KIAA1217: variants seen among roughly 807,000 people sequenced by gnomAD.
KIAA1217 encodes KIAA1217.
A neutral mutation model predicts 163.9 loss-of-function variants in KIAA1217; 88 were observed. That is an observed-to-expected ratio of 0.54 (90% CI 0.45 to 0.64). The LOEUF (loss-of-function observed/expected upper bound fraction) is 0.64, where lower values mean the gene tolerates loss of function less well. Among genes scored for constraint, KIAA1217 ranks in the 30% least tolerant of loss-of-function variants. KIAA1217 has a pLI of 0.00. For synonymous variants in KIAA1217, 903 were observed against 923.1 expected (o/e 0.98, Z 0.39); for missense variants, 2,372 against 2,475.0 (o/e 0.96, Z 0.88).
At chr10:23,989,605 G>A (rs1383922261) in intron 1 of KIAA1217, among the ~76,000 whole-genome samples, 1 of 152,144 alleles carries the variant, frequency 6.6e-6, no homozygotes, top group Non-Finnish European at 1.5e-5. Context: ...GTTTTCTTAA[G>A]TCCTTCGGAT....
intron 2 of KIAA1217, among the ~76,000 whole-genome samples, chr10:24,369,686 T>A (rs1464814001): frequency 1.3e-5 from 2 of 152,192 alleles, no homozygotes. Flanking sequence ...GGTTGTATTT[T>A]ACTTGAGACT....
At position 23,790,205 on chromosome 10, in the gene KIAA1217, A is replaced by ACACATATACACATATGCATATG. The variant is rs1564422021; in HGVS notation, c.-321+94979_-321+95000dup. 6.9e-3 allele frequency among the ~76,000 whole-genome samples: 52 copies of ACACATATACACATATGCATATG among 7,486 alleles called. 20 individuals carry two copies. The highest frequency in any genetic ancestry group is 0.016 in the Non-Finnish European group (43 of 2,644). The allele number at this position is 7,486 out of a possible 152,430, so 4.9% of individuals were successfully genotyped here. ...TATACACATATACACATATGCATATACACATATACACATATGCATATGCAC... is the reference window on the plus strand; with the variant it reads ...TATACACATATACACATATGCATATACACATATACACATATGCATATGCACATATACACATATGCATATGCAC... On this transcript the variant is annotated intron_variant, in intron 1 of 18. Coordinates refer to the KIAA1217 transcript ENST00000376462.
At chr10:24,457,858 G>A (rs762530776) in intron 5 of KIAA1217, among the ~76,000 whole-genome samples, 7 of 152,154 alleles carry the variant, frequency 4.6e-5, no homozygotes, top group East Asian at 1.9e-4. Flanking sequence ...TAGGCATTTC[G>A]TCATATGGAG....
At chr10:24,351,304 T>C (rs2048431243) in intron 2 of KIAA1217, among the ~76,000 whole-genome samples, 1 of 152,198 alleles carries the variant, frequency 6.6e-6, no homozygotes, top group South Asian at 2.1e-4. Flanking sequence ...AAAATTTCTA[T>C]CTGGTTTTCT....
intron 1 of KIAA1217, among the ~76,000 whole-genome samples, chr10:23,900,309 T>G (rs1344515640): frequency 6.6e-6 from 1 of 151,974 alleles, no homozygotes; most frequent in East Asian, 1.9e-4. Context: ...CCCAGCCCCT[T>G]CCTTTCTTTC....
At chr10:23,987,578 T>C (rs1477802385) in intron 1 of KIAA1217, among the ~76,000 whole-genome samples, 2 of 151,132 alleles carry the variant, frequency 1.3e-5, no homozygotes, top group African/African-American at 2.5e-5. Flanking sequence ...ATCAAATTAA[T>C]GTATTCATTA....
intron 2 of KIAA1217, among the ~76,000 whole-genome samples, chr10:24,198,148 T>C (rs944470954): frequency 6.6e-6 from 1 of 152,260 alleles, no homozygotes; most frequent in African/African-American, 2.4e-5. Context: ...TATGAGTCTG[T>C]GTTGTTTTAA....
At chr10:24,092,957 A>G (rs369066588) in intron 2 of KIAA1217, among the ~76,000 whole-genome samples, 2 of 136,906 alleles carry the variant, frequency 1.5e-5, no homozygotes, top group African/African-American at 7.0e-5. Context: ...TGTGTGTGAA[A>G]GAAAATCAGG....
chr10:24,339,453 AG>A (rs1170131572), intron 2 of KIAA1217, among the ~76,000 whole-genome samples: 64 of 152,346 alleles, frequency 4.2e-4, no homozygotes, highest in African/African-American at 1.5e-3. Context: ...TTAGTATCAA[AG>A]TAACATGTTT....
intron 10 of KIAA1217, among the ~76,000 whole-genome samples, chr10:24,518,004 A>C (rs527870095): frequency 6.6e-6 from 1 of 152,358 alleles, no homozygotes; most frequent in South Asian, 2.1e-4. Flanking sequence ...AAATAAAAAA[A>C]TAAAACTATG....
intron 1 of KIAA1217, among the ~76,000 whole-genome samples, chr10:23,997,903 C>T (rs527414394): frequency 3.0e-4 from 45 of 151,912 alleles, no homozygotes; most frequent in Admixed American, 8.5e-4. Flanking sequence ...ATGCCTATAC[C>T]TGGAGTGATT....
intron 1 of KIAA1217, among the ~76,000 whole-genome samples, chr10:23,988,252 T>C (rs1255222363): frequency 3.3e-5 from 5 of 152,228 alleles, no homozygotes; most frequent in Admixed American, 1.3e-4. Context: ...AGAAGCCAGA[T>C]TGTTGCTCCG....
chr10:24,155,231 C>T (rs2064821311), intron 2 of KIAA1217, among the ~76,000 whole-genome samples: 1 of 152,138 alleles, frequency 6.6e-6, no homozygotes. Flanking sequence ...TCCTAGTCTT[C>T]CTTTTTGCCC....
chr10:23,817,966 T>C (rs1162369100), intron 1 of KIAA1217, among the ~76,000 whole-genome samples: 4 of 11,870 alleles, frequency 3.4e-4, no homozygotes, highest in East Asian at 1.6e-3. Context: ...GTGGCACATA[T>C]ATATATATAT....
At chr10:23,740,530 T>G (rs111632486) in intron 1 of KIAA1217, among the ~76,000 whole-genome samples, 35 of 152,228 alleles carry the variant, frequency 2.3e-4, no homozygotes, top group African/African-American at 8.2e-4. Context: ...AGTGAATTTT[T>G]TAAAATTTTT....
At chr10:24,113,109 C>T (rs928898925) in intron 2 of KIAA1217, among the ~76,000 whole-genome samples, 1 of 152,076 alleles carries the variant, frequency 6.6e-6, no homozygotes, top group Non-Finnish European at 1.5e-5. Flanking sequence ...CTTTAAGCCA[C>T]TCAGTTTGTG....
chr10:23,838,191 G>A (rs867839758), intron 1 of KIAA1217, among the ~76,000 whole-genome samples: 7 of 152,096 alleles, frequency 4.6e-5, no homozygotes, highest in African/African-American at 2.4e-5. Flanking sequence ...GTATCTTTGC[G>A]TGTTTCTCTG....
intron 6 of KIAA1217, among the ~76,000 whole-genome samples, chr10:24,485,190 A>AATCCC (rs2065232644): frequency 6.6e-6 from 1 of 151,810 alleles, no homozygotes; most frequent in Non-Finnish European, 1.5e-5. Flanking sequence ...AACTTATGTA[A>AATCCC]TTCCAGGATT....
chr10:23,968,396 C>T (rs747078860), intron 1 of KIAA1217, among the ~76,000 whole-genome samples: 4 of 152,130 alleles, frequency 2.6e-5, no homozygotes, highest in Admixed American at 6.5e-5. Context: ...TTCTTGGCTA[C>T]GTAGACGGGT....
Sources: allele counts gnomAD v4.1 joint callset (sites outside exome capture counted in the v4.1 genomes callset), GRCh38; gene constraint gnomAD v4.1.1; transcripts MANE v1.5; gene names NCBI Gene and HGNC (gene_info 2026-07-23, HGNC 2026-07-21).